The following SRGAP2B variants were observed in gnomAD, a reference collection of about 807,000 sequenced individuals.
SRGAP2B encodes the protein SLIT-ROBO Rho GTPase activating protein 2B.
A neutral mutation model predicts 22.2 loss-of-function variants in SRGAP2B; 9 were observed. The observed-to-expected ratio is 0.41, with a 90% CI of 0.24 to 0.71. The LOEUF (loss-of-function observed/expected upper bound fraction) is 0.71, where lower values mean the gene tolerates loss of function less well. Ranked by LOEUF, SRGAP2B falls within the 30% of genes least tolerant of loss-of-function variation. The probability of loss-of-function intolerance (pLI) is 0.35; values close to 1 mark genes in which losing one functional copy is unlikely to be tolerated. For missense variants in SRGAP2B, 114 were observed against 235.8 expected (o/e 0.48, Z 3.38); for synonymous variants, 36 against 87.4 (o/e 0.41, Z 3.28).
intron 2 of SRGAP2B, among the ~76,000 whole-genome samples, chr1:145,074,267 G>GGAA (rs1286718089): frequency 1.4e-5 from 2 of 144,678 alleles, no homozygotes; most frequent in Non-Finnish European, 3.0e-5. Flanking sequence ...CTCCACTGAG[G>GGAA]GAAGACACAC....
At chr1:144,955,414 C>A in intron 4 of SRGAP2B, 25 bp downstream of exon 4, 1 of 1,597,918 alleles carries the variant, frequency 6.3e-7, no homozygotes, top group South Asian at 1.1e-5. Context: ...CACCCAAGAA[C>A]CTCTGTGAAG....
chr1:145,000,347 AC>A (rs1212399730), intron 2 of SRGAP2B, among the ~76,000 whole-genome samples: 1 of 115,854 alleles, frequency 8.6e-6, no homozygotes, highest in Non-Finnish European at 1.7e-5. Context: ...TGAGACACTA[AC>A]TATACTCGTC....
chr1:144,989,944 A>C lies in SRGAP2B; in HGVS notation c.260+5064T>G, dbSNP rs1205926388. Among the ~76,000 whole-genome samples the C allele has an allele frequency of 2.4e-4, 16 of 66,138 alleles. No homozygotes were observed. In the Admixed American group the frequency reaches 2.8e-3, roughly 11 times the overall value. 43.4% of individuals were successfully genotyped at this position (66,138 alleles called of 152,430 possible). A position where few individuals can be genotyped will look rare whatever the true frequency, so the allele number is the denominator to read the frequency against. ...CTCCAAGGCACAAAGGAGTTCAAGG[A>C]ATGTGCAATGGAAATCAGTTAGATG... On this transcript the variant is annotated intron_variant, in intron 3 of 9. Transcript: ENST00000612199.
chr1:145,013,044 C>T (rs1672174435), intron 2 of SRGAP2B, among the ~76,000 whole-genome samples: 1 of 150,862 alleles, frequency 6.6e-6, no homozygotes, highest in African/African-American at 2.5e-5. Context: ...GATCACACCG[C>T]TGCACTCCAG....
At position 144,984,054 on chromosome 1, in the gene SRGAP2B, C is replaced by T. The variant is rs1452839298; in HGVS notation, c.260+10954G>A. On this transcript the variant is annotated intron_variant, in intron 3 of 9. Transcript: ENST00000612199. ...ACTAGATTTCAGCTGGGCACAGAGG[C>T]TTATGCCTGTAATCCCAGCACTTTG... 4.6e-5 allele frequency among the ~76,000 whole-genome samples: 7 copies of T among 150,830 alleles called. 1 individual carries two copies. Among genetic ancestry groups the T allele is most frequent in the Admixed American group, 1.3e-4 (2 of 15,182 alleles).
At chr1:145,088,512 G>A (rs1381318830) in intron 2 of SRGAP2B, among the ~76,000 whole-genome samples, 1 of 140,926 alleles carries the variant, frequency 7.1e-6, no homozygotes, top group Non-Finnish European at 1.5e-5. Context: ...TGACTGCTCA[G>A]CATACAGTGC....
chr1:145,039,381 G>A (rs1292851792), intron 2 of SRGAP2B, among the ~76,000 whole-genome samples: 1 of 92,300 alleles, frequency 1.1e-5, no homozygotes, highest in Non-Finnish European at 2.2e-5. Flanking sequence ...AGGCTGAGGT[G>A]GGAGGATCAC....
intron 2 of SRGAP2B, among the ~76,000 whole-genome samples, chr1:145,040,565 C>T (rs1363154676): frequency 6.7e-5 from 10 of 150,126 alleles, no homozygotes; most frequent in South Asian, 2.1e-4. Flanking sequence ...TTAAAAATAG[C>T]CATGGACGAT....
At position 145,012,966 on chromosome 1, in the gene SRGAP2B, C is replaced by T. The variant is rs587641467; in HGVS notation, c.68-17766G>A. Among the ~76,000 whole-genome samples the T allele has an allele frequency of 1.1e-3, 164 of 150,262 alleles. 12 individuals are homozygous for T. The highest frequency in any genetic ancestry group is 3.9e-3 in the African/African-American group (157 of 39,904). On this transcript the variant is annotated intron_variant, in intron 2 of 9. Transcript: ENST00000612199. Reference sequence around the variant, plus strand: ...CAGGCATGGTGGTGCACCTGTAAGCCCAGCTACTCAGGAAGCCAAGCCATG... The same window carrying T: ...CAGGCATGGTGGTGCACCTGTAAGCTCAGCTACTCAGGAAGCCAAGCCATG...
chr1:144,928,526 C>T (rs1379473000), intron 4 of SRGAP2B, among the ~76,000 whole-genome samples: 10 of 132,404 alleles, frequency 7.6e-5, no homozygotes, highest in African/African-American at 2.9e-4. Context: ...CAAGCTCCGC[C>T]TCCTGGGTTC....
chr1:145,083,204 T>G (rs1234600800), intron 2 of SRGAP2B, among the ~76,000 whole-genome samples: 1 of 143,946 alleles, frequency 6.9e-6, no homozygotes, highest in Non-Finnish European at 1.5e-5. Flanking sequence ...GGGTGGCATC[T>G]GAGCTGCTTT....
intron 2 of SRGAP2B, among the ~76,000 whole-genome samples, chr1:145,079,889 G>A (rs1399438923): frequency 4.0e-5 from 6 of 149,548 alleles, no homozygotes; most frequent in African/African-American, 7.6e-5. Context: ...GTCACTTCCC[G>A]AACAACCCAG....
chr1:144,982,595 T>G (rs1669388243), intron 3 of SRGAP2B, among the ~76,000 whole-genome samples: 4 of 150,944 alleles, frequency 2.6e-5, no homozygotes, highest in Non-Finnish European at 5.9e-5. Flanking sequence ...AAGGTAAGTA[T>G]TACTGTCAAC....
intron 2 of SRGAP2B, among the ~76,000 whole-genome samples, chr1:145,012,933 A>C (rs1672163900): frequency 6.7e-6 from 1 of 149,666 alleles, no homozygotes; most frequent in Admixed American, 6.6e-5. Context: ...AGAAATACAA[A>C]AAGTAGCCAG....
At chr1:144,958,157 G>C (rs1339148967) in intron 3 of SRGAP2B, among the ~76,000 whole-genome samples, 1 of 151,222 alleles carries the variant, frequency 6.6e-6, no homozygotes, top group Non-Finnish European at 1.5e-5. Context: ...CAAACAAAAG[G>C]CCAGCTAGCT....
At chr1:144,995,054 C>G in exon 3 of SRGAP2B, 1 of 1,543,760 alleles carries the variant, frequency 6.5e-7, no homozygotes, top group African/African-American at 1.4e-5. Flanking sequence ...AGGAAGCGTT[C>G]TGCCAGCTTC....
In SRGAP2B at chr1:144,990,895, G is replaced by A. The variant is rs1227652536; in HGVS notation, c.260+4113C>T. 2.6e-5 allele frequency among the ~76,000 whole-genome samples: 4 copies of A among 151,412 alleles called. No individual in the cohort carries two copies. The East Asian group carries it at 7.7e-4, about 29-fold the overall frequency. On this transcript the variant is annotated intron_variant, in intron 3 of 9. Transcript: ENST00000612199. ...CTTAGCTGCCTTCCCGCGGGGCAGG[G>A]CTCGGGACCTGCAGCCCGCCATGTC...
At chr1:144,965,907 G>A (rs587622603) in intron 3 of SRGAP2B, among the ~76,000 whole-genome samples, 1 of 148,464 alleles carries the variant, frequency 6.7e-6, no homozygotes, top group African/African-American at 2.6e-5. Flanking sequence ...AAGATGAAAT[G>A]AATGAAATGA....
At chr1:144,960,148 C>T (rs1327308440) in intron 3 of SRGAP2B, among the ~76,000 whole-genome samples, 1 of 107,884 alleles carries the variant, frequency 9.3e-6, no homozygotes, top group Non-Finnish European at 1.8e-5. Context: ...TTACTTTCCC[C>T]ACCCCCAGAG....
Sources: gnomAD v4.1 joint callset for allele counts (sites outside exome capture counted in the v4.1 genomes callset) on GRCh38, gnomAD v4.1.1 for gene constraint, MANE v1.5 for transcripts, NCBI Gene and HGNC (gene_info 2026-07-23, HGNC 2026-07-21) for gene names.